COLEC10: variants seen among roughly 807,000 people sequenced by gnomAD.
COLEC10 encodes the protein collectin subfamily member 10.
A neutral mutation model predicts 28.4 loss-of-function variants in COLEC10; 22 were observed. That is an observed-to-expected ratio of 0.78 (90% CI 0.55 to 1.11). COLEC10 has a LOEUF of 1.11. Among genes scored for constraint, COLEC10 ranks in the 50% least tolerant of loss-of-function variants. The probability of loss-of-function intolerance (pLI) is 0.00; values close to 1 mark genes in which losing one functional copy is unlikely to be tolerated. For missense variants in COLEC10, 361 were observed against 344.1 expected, an observed-to-expected ratio of 1.05 and a Z score of -0.39; for synonymous variants, 125 against 116.1, an observed-to-expected ratio of 1.08 and a Z score of -0.49.
At chr8:119,067,005 T>C (rs2450058), upstream of COLEC10, among the ~76,000 whole-genome samples, 36,300 of 152,102 alleles carry the variant, frequency 0.24, 4,573 homozygotes, top group East Asian at 0.48. Context: ...ATCTTCTTTG[T>C]TCTTGGGGAT....
At chr8:119,056,297 T>C (rs1814760395) in intron 2 of COLEC10, among the ~76,000 whole-genome samples, 1 of 152,088 alleles carries the variant, frequency 6.6e-6, no homozygotes, top group African/African-American at 2.4e-5. Flanking sequence ...TAATTAAAAA[T>C]GTTTAATCTC....
chr8:119,097,299 A>C (rs1002769858), intron 3 of COLEC10, among the ~76,000 whole-genome samples: 2 of 152,038 alleles, frequency 1.3e-5, no homozygotes, highest in Non-Finnish European at 2.9e-5. Flanking sequence ...TTTTTGGTTA[A>C]CTGTGCTAAG....
chr8:119,014,508 T>C (rs1169877369), intron 2 of COLEC10, among the ~76,000 whole-genome samples: 1 of 150,708 alleles, frequency 6.6e-6, no homozygotes, highest in Non-Finnish European at 1.5e-5. Context: ...CATCTTTTAT[T>C]GTCTGAAGTT....
intron 1 of COLEC10, chr8:119,068,660 C>G (rs1454893182): frequency 1.3e-5 from 2 of 152,094 alleles, no homozygotes; most frequent in Non-Finnish European, 1.5e-5. Context: ...AAACTTCTCC[C>G]TTCCCATTTT....
chr8:118,971,420 C>G, the COLEC10 span, among the ~76,000 whole-genome samples: 2 of 151,946 alleles, frequency 1.3e-5, no homozygotes, highest in East Asian at 3.9e-4. Flanking sequence ...GGAGTGGTAA[C>G]ACACTCAGGG....
intron 1 of COLEC10, chr8:119,068,151 T>C (rs991932682): frequency 3.9e-5 from 6 of 152,224 alleles, no homozygotes; most frequent in Non-Finnish European, 5.9e-5. Context: ...TGCAGATTGG[T>C]GCTCCCTTAT....
intron 2 of COLEC10, among the ~76,000 whole-genome samples, chr8:119,025,920 C>T (rs1277582745): frequency 1.3e-5 from 2 of 152,148 alleles, no homozygotes; most frequent in African/African-American, 2.4e-5. Flanking sequence ...ATGCCTGCAT[C>T]ATGTCACATC....
intron 2 of COLEC10, among the ~76,000 whole-genome samples, chr8:119,040,259 T>C (rs2130151287): frequency 6.6e-6 from 1 of 152,318 alleles, no homozygotes; most frequent in East Asian, 1.9e-4. Context: ...AACAATGACA[T>C]ACGACTTTAA....
chr8:119,095,260 C>T (rs999941140), intron 3 of COLEC10, among the ~76,000 whole-genome samples: 1 of 152,058 alleles, frequency 6.6e-6, no homozygotes, highest in African/African-American at 2.4e-5. Flanking sequence ...ATAAGCCCTC[C>T]ACAATAAACT....
intron 2 of COLEC10, among the ~76,000 whole-genome samples, chr8:119,027,181 G>A (rs1297070152): frequency 6.6e-6 from 1 of 152,132 alleles, no homozygotes; most frequent in Non-Finnish European, 1.5e-5. Flanking sequence ...TGCCCAATCA[G>A]TTGTGTTATT....
chr8:119,005,752 A>T (rs1485845936), intron 1 of COLEC10, among the ~76,000 whole-genome samples: 2 of 152,160 alleles, frequency 1.3e-5, no homozygotes, highest in Non-Finnish European at 2.9e-5. Flanking sequence ...AAATTTTATC[A>T]CTTGTGGAAA....
At chr8:118,962,636 C>T in the COLEC10 span, among the ~76,000 whole-genome samples, 1 of 152,090 alleles carries the variant, frequency 6.6e-6, no homozygotes, top group Non-Finnish European at 1.5e-5. Context: ...GAGATCTACT[C>T]TCTTAAAAAA....
At chr8:119,053,041 G>C (rs150024459) in intron 2 of COLEC10, among the ~76,000 whole-genome samples, 24 of 152,210 alleles carry the variant, frequency 1.6e-4, no homozygotes, top group African/African-American at 5.5e-4. Flanking sequence ...TGTGATACTG[G>C]CTAGAGAATT....
intron 3 of COLEC10, among the ~76,000 whole-genome samples, chr8:119,100,509 T>C (rs1815802481): frequency 6.6e-6 from 1 of 152,182 alleles, no homozygotes; most frequent in African/African-American, 2.4e-5. Context: ...ATAACTAAGG[T>C]GTGAGCAGAT....
intron 5 of COLEC10, among the ~76,000 whole-genome samples, chr8:119,105,455 C>T (rs1209037241): frequency 1.3e-5 from 2 of 152,040 alleles, no homozygotes; most frequent in Non-Finnish European, 2.9e-5. Flanking sequence ...GAGAAAAGGG[C>T]CTGCTCATGT....
chr8:118,995,395 T>C (rs1185490578), upstream of COLEC10: 1 of 152,240 alleles, frequency 6.6e-6, no homozygotes, highest in East Asian at 1.9e-4. Context: ...GCATTCCGAA[T>C]TGGATGCAAC....
At chr8:118,978,603 A>G in the COLEC10 span, among the ~76,000 whole-genome samples, 1 of 151,972 alleles carries the variant, frequency 6.6e-6, no homozygotes, top group Non-Finnish European at 1.5e-5. Flanking sequence ...GTAAGTTCAT[A>G]TTACTGTAAT....
At chr8:119,059,964 T>A (rs189586172) in intron 2 of COLEC10, among the ~76,000 whole-genome samples, 121 of 152,234 alleles carry the variant, frequency 7.9e-4, no homozygotes, top group African/African-American at 2.8e-3. Flanking sequence ...TGTTCTGACT[T>A]CTTCACATAG....
At chr8:119,008,961 T>G (rs1317768640) in intron 1 of COLEC10, among the ~76,000 whole-genome samples, 1 of 150,996 alleles carries the variant, frequency 6.6e-6, no homozygotes, top group Non-Finnish European at 1.5e-5. Flanking sequence ...CTGAGCATTA[T>G]TATTAGCAAA....
Sources: allele counts gnomAD v4.1 joint callset (sites outside exome capture counted in the v4.1 genomes callset), GRCh38; gene constraint gnomAD v4.1.1; transcripts MANE v1.5; gene names NCBI Gene and HGNC (gene_info 2026-07-23, HGNC 2026-07-21).